The following HMGCL variants were observed in gnomAD, a reference collection of about 807,000 sequenced individuals.
HMGCL encodes the protein 3-hydroxy-3-methylglutaryl-CoA lyase, also known as hydroxymethylglutaryl-CoA lyase, mitochondrial.
Under a neutral mutation model 37.3 loss-of-function variants are expected in HMGCL, and 26 were observed. That is an observed-to-expected ratio of 0.70 (90% CI 0.51 to 0.97). The LOEUF (loss-of-function observed/expected upper bound fraction) is 0.97, where lower values mean the gene tolerates loss of function less well. Among genes scored for constraint, HMGCL ranks in the 50% least tolerant of loss-of-function variants. HMGCL has a pLI of 0.00. For missense variants in HMGCL, 379 were observed against 398.1 expected (o/e 0.95, Z 0.41); for synonymous variants, 151 against 148.0 (o/e 1.02, Z -0.15).
At position 23,802,668 on chromosome 1, in the gene HMGCL, A is replaced by C. The variant is rs940985429; in HGVS notation, c.877-104T>G. On this transcript the variant is annotated intron_variant, in intron 8 of 8. Coordinates refer to ENST00000374490, the MANE Select transcript of HMGCL (RefSeq NM_000191.3). The stretch of plus-strand genomic sequence containing the variant: ...ACTGTGATACTGAAAAGTAAAGGTG[A>C]AGATAAACAGGCTTTTTCCTTGACA... 3.7e-6 allele frequency: 3 copies of C among 816,676 alleles called. No homozygotes were observed. The African/African-American group carries it at 5.0e-5, about 14-fold the overall frequency. The allele number at this position is 816,676 out of a possible 1,614,324, so 50.6% of individuals were successfully genotyped here.
At chr1:23,810,857 C>G in intron 5 of HMGCL, 58 bp from the exon 6 acceptor site, 1 of 1,400,956 alleles carries the variant, frequency 7.1e-7, no homozygotes, top group Non-Finnish European at 1.0e-6. Flanking sequence ...GCTAGCAGAA[C>G]TGAGGCAGGG....
intron 8 of HMGCL, chr1:23,803,594 C>G (rs1419127759): frequency 1.3e-5 from 2 of 152,302 alleles, no homozygotes; most frequent in Non-Finnish European, 2.9e-5. Context: ...CCTTGGCTTC[C>G]CAAAGTGCTG....
At chr1:23,822,603 C>G (rs1361338095) in intron 1 of HMGCL, among the ~76,000 whole-genome samples, 1 of 152,166 alleles carries the variant, frequency 6.6e-6, no homozygotes, top group African/African-American at 2.4e-5. Flanking sequence ...TACAACTCAC[C>G]TGACTGGCCT....
At chr1:23,820,687 T>C in intron 1 of HMGCL, 94 bp from the exon 2 acceptor site, 2 of 827,400 alleles carry the variant, frequency 2.4e-6, no homozygotes, top group Non-Finnish European at 4.3e-6. Context: ...TCTTCACTAA[T>C]AATGAGACAA....
At chr1:23,815,742 G>A (rs945621273) in intron 4 of HMGCL, among the ~76,000 whole-genome samples, 3 of 151,466 alleles carry the variant, frequency 2.0e-5, no homozygotes, top group African/African-American at 7.3e-5. Flanking sequence ...TGATCCGCCC[G>A]CCCTGGTCTC....
chr1:23,816,621 A>G, intron 4 of HMGCL, 54 bp downstream of exon 4: 1 of 1,055,178 alleles, frequency 9.5e-7, no homozygotes. Context: ...CAAGGCAGGG[A>G]CCAATGCCAT....
chr1:23,812,946 G>C (rs2281181), intron 5 of HMGCL, among the ~76,000 whole-genome samples: 42,443 of 151,972 alleles, frequency 0.28, 6,347 homozygotes, highest in Non-Finnish European at 0.34. Context: ...CTGGAGTGCA[G>C]TGGCGTGATC....
chr1:23,807,794 G>A (rs1638440590), intron 7 of HMGCL, among the ~76,000 whole-genome samples: 1 of 152,120 alleles, frequency 6.6e-6, no homozygotes, highest in South Asian at 2.1e-4. Context: ...CTCAACAGCA[G>A]CTTACTTTAT....
chr1:23,812,740 A>G (rs953213148), intron 5 of HMGCL, among the ~76,000 whole-genome samples: 2 of 152,254 alleles, frequency 1.3e-5, no homozygotes, highest in Non-Finnish European at 2.9e-5. Flanking sequence ...AGCAGGGGCC[A>G]GAAGGGAACT....
chr1:23,819,761 G>A (rs148621344), intron 2 of HMGCL, among the ~76,000 whole-genome samples: 68 of 150,142 alleles, frequency 4.5e-4, no homozygotes, highest in African/African-American at 1.6e-3. Context: ...GCGCGCGTGC[G>A]TACGCGCACA....
At chr1:23,816,556 T>G in intron 4 of HMGCL, 119 bp downstream of exon 4, 1 of 783,812 alleles carries the variant, frequency 1.3e-6, no homozygotes, top group Admixed American at 1.7e-5. Flanking sequence ...AGGGTCTGGC[T>G]GACAGACAAG....
rs1638285587 is a variant in HMGCL at position 23,802,030 on chromosome 1, GAAC to G, written c.*430_*432del. ...CAAATGGCCTCTGCCAGCTTGGGAAGAACCTCCATGACCTGTGTCCTGAGAAGT... is the reference window on the plus strand; with the variant it reads ...CAAATGGCCTCTGCCAGCTTGGGAAGCTCCATGACCTGTGTCCTGAGAAGT... On this transcript the variant is annotated 3_prime_UTR_variant, in exon 9 of 9. Coordinates refer to ENST00000374490, the MANE Select transcript of HMGCL (RefSeq NM_000191.3). 2 of 427,684 alleles carry G rather than the reference GAAC, an allele frequency of 4.7e-6. No homozygotes were observed. The highest frequency in any genetic ancestry group is 8.3e-6 in the Non-Finnish European group (2 of 241,494). 26.5% of individuals were successfully genotyped at this position (427,684 alleles called of 1,614,324 possible). A position where few individuals can be genotyped will look rare whatever the true frequency, so the allele number is the denominator to read the frequency against.
intron 4 of HMGCL, 126 bp from the exon 5 acceptor site, chr1:23,814,464 G>C (rs530325928): frequency 1.9e-6 from 2 of 1,046,816 alleles, no homozygotes; most frequent in African/African-American, 3.1e-5. Context: ...TCCACCTCCT[G>C]GGTTCAAGCG....
At chr1:23,813,899 C>T in intron 5 of HMGCL, 1 of 454,060 alleles carries the variant, frequency 2.2e-6, no homozygotes, top group East Asian at 4.5e-5. Flanking sequence ...CTCACTGCAG[C>T]CTCAAACTCC....
rs1474339413 is a variant in HMGCL, at chr1:23,802,715, A to C, written c.877-151T>G. 5.8e-6 allele frequency: 4 copies of C among 683,942 alleles called. No homozygotes were observed. The East Asian group carries it at 1.1e-4, about 19-fold the overall frequency. The allele number at this position is 683,942 out of a possible 1,614,324, so 42.4% of individuals were successfully genotyped here. A position where few individuals can be genotyped will look rare whatever the true frequency, so the allele number is the denominator to read the frequency against. ...GACAGCGGGGCACCAGCTGCCTGTGAGCTCCTGTCTGTCTGGCACCTGGGT... is the reference window on the plus strand; with the variant it reads ...GACAGCGGGGCACCAGCTGCCTGTGCGCTCCTGTCTGTCTGGCACCTGGGT... On this transcript the variant is annotated intron_variant, in intron 8 of 8. Coordinates refer to ENST00000374490, the MANE Select transcript of HMGCL (RefSeq NM_000191.3).
At chr1:23,803,304 C>T (rs1638327896) in intron 8 of HMGCL, among the ~76,000 whole-genome samples, 1 of 149,124 alleles carries the variant, frequency 6.7e-6, no homozygotes, top group Admixed American at 6.6e-5. Context: ...TGGGTTCAAG[C>T]AATTCTCCTG....
chr1:23,821,928 G>A (rs1197663758), intron 1 of HMGCL, among the ~76,000 whole-genome samples: 4 of 151,966 alleles, frequency 2.6e-5, no homozygotes, highest in African/African-American at 7.3e-5. Flanking sequence ...ACCACCCTTT[G>A]CAAAGCTGCC....
At chr1:23,816,593 G>A (rs554355217) in intron 4 of HMGCL, 82 bp downstream of exon 4, 23 of 886,910 alleles carry the variant, frequency 2.6e-5, no homozygotes, top group Non-Finnish European at 4.4e-5. Flanking sequence ...CCCAGGACAG[G>A]GGACTGAGGC....
At chr1:23,811,775 T>C (rs747219515) in intron 5 of HMGCL, among the ~76,000 whole-genome samples, 2 of 152,110 alleles carry the variant, frequency 1.3e-5, no homozygotes, top group Non-Finnish European at 2.9e-5. Context: ...GGAGGGTGGA[T>C]TTGGGATGTA....
Sources: allele counts gnomAD v4.1 joint callset (sites outside exome capture counted in the v4.1 genomes callset), GRCh38; gene constraint gnomAD v4.1.1; transcripts MANE v1.5; gene names NCBI Gene and HGNC (gene_info 2026-07-23, HGNC 2026-07-21).